The following SERGEF variants were observed in gnomAD, a reference collection of about 807,000 sequenced individuals.
SERGEF encodes the protein secretion regulating guanine nucleotide exchange factor.
Under a neutral mutation model 50.0 loss-of-function variants are expected in SERGEF, and 51 were observed. That is an observed-to-expected ratio of 1.02 (90% confidence interval 0.81 to 1.29). The LOEUF is 1.29. Ranked by LOEUF, SERGEF falls within the 50% of genes most tolerant of loss-of-function variation. The probability of loss-of-function intolerance (pLI) is 0.00; values close to 1 mark genes in which losing one functional copy is unlikely to be tolerated. For missense variants in SERGEF, 521 were observed against 557.0 expected, an observed-to-expected ratio of 0.94 and a Z score of 0.65; for synonymous variants, 205 against 212.4, an observed-to-expected ratio of 0.97 and a Z score of 0.30.
intron 10 of SERGEF, among the ~76,000 whole-genome samples, chr11:17,809,228 T>C (rs922382201): frequency 1.3e-4 from 19 of 151,872 alleles, no homozygotes; most frequent in Admixed American, 9.8e-4. Context: ...AAGGAGGGGA[T>C]TGCAAAGATA....
At chr11:17,847,154 G>T (rs1387432345) in intron 10 of SERGEF, among the ~76,000 whole-genome samples, 1 of 152,360 alleles carries the variant, frequency 6.6e-6, no homozygotes, top group African/African-American at 2.4e-5. Context: ...GGTCACTGCC[G>T]CAAATTGAAT....
Position 17,986,694 on chromosome 11 carries a change from C to A in SERGEF, c.844+1903G>T, listed in dbSNP as rs191847804. ...AGTTAAAGGGTTTACTGACAGACAA[C>A]CAAATTCACCACCATTTGGTAGTAA... On this transcript the variant is annotated intron_variant, in intron 8 of 10. Transcript: ENST00000265965. Among the ~76,000 whole-genome samples, 38 of 152,350 alleles carry A rather than the reference C, an allele frequency of 2.5e-4. 1 individual carries two copies. Among genetic ancestry groups the A allele is most frequent in the Admixed American group, 2.4e-3 (36 of 15,306 alleles).
intron 1 of SERGEF, chr11:18,012,696 T>C (rs1194139128): frequency 5.1e-6 from 6 of 1,170,176 alleles, no homozygotes; most frequent in Non-Finnish European, 6.8e-6. Context: ...AGGCAGGTTC[T>C]TCCCGCGGCG....
Position 17,906,202 on chromosome 11 carries a change from G to A in SERGEF, c.1012-27958C>T, listed in dbSNP as rs543849943. The stretch of plus-strand genomic sequence containing the variant: ...GGGGAGGGGTGGGCTGATAAGGAAG[G>A]GAATACAGGAGACAGGCAAACTGAA... On this transcript the variant is annotated intron_variant, in intron 9 of 10. Coordinates refer to ENST00000265965, the MANE Select transcript of SERGEF (RefSeq NM_012139.4). Among the ~76,000 whole-genome samples, 4 of 152,190 alleles carry A rather than the reference G, an allele frequency of 2.6e-5. No individual in the cohort carries two copies. In the South Asian group the frequency reaches 8.3e-4, roughly 32 times the overall value.
intron 8 of SERGEF, among the ~76,000 whole-genome samples, chr11:17,974,002 G>C (rs1202799977): frequency 6.6e-6 from 1 of 152,194 alleles, no homozygotes; most frequent in Non-Finnish European, 1.5e-5. Context: ...GGTTGGGAGA[G>C]GTTTGGGGTT....
chr11:18,012,994 C>A lies in SERGEF; in HGVS notation c.17G>T (p.Ser6Ile). MEREP[S>I]ASEAAPAAAA... ...CGCCGCGGGGGCGGCCTCCGAGGCGCTGGGCTCGCGCTCCATGCGAGGACG... is the reference window on the plus strand; with the variant it reads ...CGCCGCGGGGGCGGCCTCCGAGGCGATGGGCTCGCGCTCCATGCGAGGACG... The change falls in exon 1 of 11, where the codon AGC becomes ATC. Residue 6 changes from serine (S) to isoleucine (I), a missense_variant. By Grantham distance (142) the Ser-to-Ile change is moderately radical. Transcript: ENST00000265965. 1 of 1,455,980 alleles carries A rather than the reference C, an allele frequency of 6.9e-7. No homozygotes were observed. The highest frequency in any genetic ancestry group is 9.0e-7 in the Non-Finnish European group (1 of 1,114,390). 90.2% of individuals were successfully genotyped at this position (1,455,980 alleles called of 1,614,324 possible). A position where few individuals can be genotyped will look rare whatever the true frequency, so the allele number is the denominator to read the frequency against.
chr11:17,853,415 G>A (rs913108800), intron 10 of SERGEF: 3 of 152,194 alleles, frequency 2.0e-5, no homozygotes, highest in Non-Finnish European at 4.4e-5. Context: ...CTGTTAAGAC[G>A]AGGTCTAGGG....
chr11:17,998,436 C>T (rs11024443), intron 5 of SERGEF, among the ~76,000 whole-genome samples: 7 of 46,268 alleles, frequency 1.5e-4, no homozygotes, highest in Admixed American at 2.0e-4. Flanking sequence ...TACATACATA[C>T]ATACATATAT....
At chr11:17,914,799 G>T (rs1590194804) in intron 9 of SERGEF, among the ~76,000 whole-genome samples, 2 of 152,032 alleles carry the variant, frequency 1.3e-5, no homozygotes, top group South Asian at 2.1e-4. Flanking sequence ...TTTATTGAGG[G>T]TTATTTTGTG....
At chr11:17,807,959 A>C (rs1485149539) in intron 10 of SERGEF, among the ~76,000 whole-genome samples, 3 of 152,252 alleles carry the variant, frequency 2.0e-5, no homozygotes, top group African/African-American at 7.2e-5. Context: ...GTCCTGACCC[A>C]GGAAGAGAGC....
intron 9 of SERGEF, among the ~76,000 whole-genome samples, chr11:17,934,677 C>T (rs1406467837): frequency 1.3e-5 from 2 of 152,132 alleles, no homozygotes; most frequent in African/African-American, 4.8e-5. Context: ...GACATTTGTA[C>T]CTATGGAAGA....
chr11:17,948,570 T>C (rs1009473668), intron 9 of SERGEF, among the ~76,000 whole-genome samples: 15 of 152,320 alleles, frequency 9.8e-5, no homozygotes, highest in African/African-American at 2.9e-4. Flanking sequence ...AATCACCTTT[T>C]TGAAGCGAGG....
At chr11:17,956,099 G>T (rs1490503323) in intron 9 of SERGEF, among the ~76,000 whole-genome samples, 1 of 152,164 alleles carries the variant, frequency 6.6e-6, no homozygotes, top group Non-Finnish European at 1.5e-5. Flanking sequence ...AACTGACAGA[G>T]AATGAAACAC....
At chr11:17,896,136 C>T (rs1851617249) in intron 9 of SERGEF, among the ~76,000 whole-genome samples, 1 of 152,024 alleles carries the variant, frequency 6.6e-6, no homozygotes, top group African/African-American at 2.4e-5. Context: ...TTTAAGACAA[C>T]TATACAATTT....
rs552890759 is a variant in SERGEF at position 17,967,882 on chromosome 11, G to A, written c.845-8246C>T. On this transcript the variant is annotated intron_variant, in intron 8 of 10. Coordinates refer to ENST00000265965, the MANE Select transcript of SERGEF (RefSeq NM_012139.4). ...CAACACCTGTCAGCCTGCAATGCTG[G>A]TCAGCCTGTCTGTCCCACTTATGGA... Among the ~76,000 whole-genome samples, 108 of 152,310 alleles carry A rather than the reference G, an allele frequency of 7.1e-4. 1 individual carries two copies. Among genetic ancestry groups the A allele is most frequent in the African/African-American group, 2.2e-3 (92 of 41,568 alleles).
At chr11:17,960,684 A>G (rs922464120) in intron 8 of SERGEF, among the ~76,000 whole-genome samples, 1 of 152,156 alleles carries the variant, frequency 6.6e-6, no homozygotes, top group Non-Finnish European at 1.5e-5. Flanking sequence ...AGTGTCAGCT[A>G]AAAAAATAAC....
intron 10 of SERGEF, among the ~76,000 whole-genome samples, chr11:17,858,211 A>G (rs565262045): frequency 2.0e-4 from 30 of 152,316 alleles, no homozygotes; most frequent in African/African-American, 6.7e-4. Flanking sequence ...CCCAACACAC[A>G]TAACTAGGCA....
chr11:17,939,131 A>G (rs1425336822), intron 9 of SERGEF, among the ~76,000 whole-genome samples: 1 of 152,224 alleles, frequency 6.6e-6, no homozygotes, highest in Non-Finnish European at 1.5e-5. Flanking sequence ...CCACATTTTC[A>G]TATTATCAGA....
intron 9 of SERGEF, among the ~76,000 whole-genome samples, chr11:17,897,441 G>A (rs534787766): frequency 4.8e-4 from 73 of 152,278 alleles, no homozygotes; most frequent in Non-Finnish European, 9.3e-4. Context: ...GCTGTTTTAA[G>A]CCACTAAGTT....
Sources: gnomAD v4.1 joint callset for allele counts (sites outside exome capture counted in the v4.1 genomes callset) on GRCh38, gnomAD v4.1.1 for gene constraint, MANE v1.5 for transcripts, NCBI Gene and HGNC (gene_info 2026-07-23, HGNC 2026-07-21) for gene names.